The following RIMS2 variants were observed in gnomAD, a reference collection of about 807,000 sequenced individuals.
RIMS2 encodes regulating synaptic membrane exocytosis 2, also known as regulating synaptic membrane exocytosis protein 2.
RIMS2 carries 59 observed loss-of-function variants against 174.4 expected under a neutral mutation model. That is an observed-to-expected ratio of 0.34 (90% CI 0.27 to 0.42). The LOEUF (loss-of-function observed/expected upper bound fraction) is 0.42, where lower values mean the gene tolerates loss of function less well. Ranked by LOEUF, RIMS2 falls within the 10% of genes least tolerant of loss-of-function variation. The pLI, the probability that RIMS2 is intolerant of heterozygous loss-of-function variation, is 1.00. For missense variants in RIMS2, 1,620 were observed against 1,666.3 expected (o/e 0.97, Z 0.48); for synonymous variants, 606 against 572.5 (o/e 1.06, Z -0.84).
chr8:103,883,095 C>CGGTG (rs2099176717), intron 3 of RIMS2, among the ~76,000 whole-genome samples: 1 of 151,520 alleles, frequency 6.6e-6, no homozygotes, highest in Non-Finnish European at 1.5e-5. Context: ...AATCATTCAC[C>CGGTG]CTCTTAAGAA....
chr8:103,673,568 C>T (rs1317428134), intron 1 of RIMS2, among the ~76,000 whole-genome samples: 1 of 152,204 alleles, frequency 6.6e-6, no homozygotes, highest in African/African-American at 2.4e-5. Flanking sequence ...ATCTGGGCCT[C>T]TTTGAGCCCC....
intron 3 of RIMS2, among the ~76,000 whole-genome samples, chr8:103,874,064 T>G (rs1207626669): frequency 1.3e-5 from 2 of 152,110 alleles, no homozygotes; most frequent in Non-Finnish European, 2.9e-5. Context: ...TAAAGCGACC[T>G]AGAACCTAAT....
intron 19 of RIMS2, among the ~76,000 whole-genome samples, chr8:104,111,169 G>T (rs2098174731): frequency 6.6e-6 from 1 of 152,012 alleles, no homozygotes; most frequent in Admixed American, 6.6e-5. Context: ...CAGTAAAGAG[G>T]AAAAATGTTA....
intron 4 of RIMS2, among the ~76,000 whole-genome samples, chr8:103,897,858 G>A (rs1411781358): frequency 5.9e-5 from 9 of 151,626 alleles, no homozygotes; most frequent in Non-Finnish European, 1.3e-4. Flanking sequence ...ATATCATGTG[G>A]CCCAAGTGGC....
At chr8:103,752,308 A>G (rs1447772857) in intron 2 of RIMS2, among the ~76,000 whole-genome samples, 1 of 152,024 alleles carries the variant, frequency 6.6e-6, no homozygotes, top group African/African-American at 2.4e-5. Flanking sequence ...CCATTGATCT[A>G]TATCTCTGTT....
chr8:103,763,631 C>T (rs767171836), intron 2 of RIMS2, among the ~76,000 whole-genome samples: 23 of 151,998 alleles, frequency 1.5e-4, no homozygotes, highest in Non-Finnish European at 2.1e-4. Flanking sequence ...AAGCAGTGTG[C>T]ATAGCCCAGG....
chr8:103,877,511 C>T (rs1477693296), intron 3 of RIMS2, among the ~76,000 whole-genome samples: 2 of 151,800 alleles, frequency 1.3e-5, no homozygotes, highest in African/African-American at 4.8e-5. Flanking sequence ...TCTGTTTACT[C>T]TGCTGCTCAG....
chr8:104,197,935 T>C (rs368289353), intron 19 of RIMS2, among the ~76,000 whole-genome samples: 17 of 151,846 alleles, frequency 1.1e-4, no homozygotes, highest in African/African-American at 3.9e-4. Flanking sequence ...GGCAATTGCT[T>C]AGGATGTGAG....
At chr8:103,789,325 G>A (rs575841106) in intron 3 of RIMS2, among the ~76,000 whole-genome samples, 1 of 152,198 alleles carries the variant, frequency 6.6e-6, no homozygotes, top group South Asian at 2.1e-4. Context: ...AGCCAGTAGA[G>A]GGTGTCTATG....
intron 1 of RIMS2, among the ~76,000 whole-genome samples, chr8:103,538,274 T>C (rs758004068): frequency 4.5e-4 from 68 of 152,324 alleles, no homozygotes; most frequent in Non-Finnish European, 6.0e-4. Flanking sequence ...TCTTATCTTA[T>C]TCTGGAATTA....
chr8:103,642,813 T>G (rs1442819361), intron 1 of RIMS2, among the ~76,000 whole-genome samples: 1 of 151,988 alleles, frequency 6.6e-6, no homozygotes, highest in Non-Finnish European at 1.5e-5. Flanking sequence ...GTAGATAAGG[T>G]GTTTGCTTTT....
chr8:104,019,302 C>CAA (rs974795831), intron 19 of RIMS2, among the ~76,000 whole-genome samples: 2 of 152,136 alleles, frequency 1.3e-5, no homozygotes, highest in Non-Finnish European at 2.9e-5. Flanking sequence ...GAATACTAAT[C>CAA]TTACCAATTA....
intron 9 of RIMS2, among the ~76,000 whole-genome samples, chr8:103,919,029 GA>G (rs1169889370): frequency 6.6e-6 from 1 of 152,144 alleles, no homozygotes; most frequent in African/African-American, 2.4e-5. Context: ...AATAAATACA[GA>G]AGTTTAATGT....
At chr8:103,972,158 C>T (rs2092952529) in intron 15 of RIMS2, among the ~76,000 whole-genome samples, 1 of 151,912 alleles carries the variant, frequency 6.6e-6, no homozygotes, top group Non-Finnish European at 1.5e-5. Flanking sequence ...AGTTTACTGC[C>T]CACCTGACAT....
chr8:103,624,537 A>G (rs1232220723), intron 1 of RIMS2, among the ~76,000 whole-genome samples: 1 of 152,146 alleles, frequency 6.6e-6, no homozygotes, highest in African/African-American at 2.4e-5. Context: ...ATATATGACA[A>G]GGTTTATTAT....
At chr8:103,767,410 T>C (rs2154424974) in intron 3 of RIMS2, among the ~76,000 whole-genome samples, 1 of 152,134 alleles carries the variant, frequency 6.6e-6, no homozygotes, top group Non-Finnish European at 1.5e-5. Flanking sequence ...ATGGTCTCAA[T>C]CTCATGACCC....
intron 9 of RIMS2, 155 bp downstream of exon 12, chr8:103,918,642 T>C (rs2077055989): frequency 3.3e-6 from 2 of 608,554 alleles, no homozygotes; most frequent in African/African-American, 1.9e-5. Flanking sequence ...TATTATTTCA[T>C]GTCACTGTGG....
chr8:104,246,677 A>T (rs1321177517), intron 20 of RIMS2, among the ~76,000 whole-genome samples: 1 of 152,186 alleles, frequency 6.6e-6, no homozygotes, highest in Non-Finnish European at 1.5e-5. Flanking sequence ...GAAAGGAAAT[A>T]TTCGAGTGAA....
At chr8:103,958,813 C>CAATG (rs1307420057) in intron 14 of RIMS2, among the ~76,000 whole-genome samples, 2 of 152,040 alleles carry the variant, frequency 1.3e-5, no homozygotes, top group African/African-American at 2.4e-5. Context: ...GGTTGTAAGA[C>CAATG]AATGGTTGAG....
Sources: allele counts gnomAD v4.1 joint callset (sites outside exome capture counted in the v4.1 genomes callset), GRCh38; gene constraint gnomAD v4.1.1; transcripts MANE v1.5; gene names NCBI Gene and HGNC (gene_info 2026-07-23, HGNC 2026-07-21).